The following NAALADL2 variants were observed in gnomAD, a reference collection of about 807,000 sequenced individuals.
NAALADL2 encodes the protein inactive N-acetylated-alpha-linked acidic dipeptidase-like protein 2.
A neutral mutation model predicts 87.2 loss-of-function variants in NAALADL2; 76 were observed. That is an observed-to-expected ratio of 0.87 (90% CI 0.72 to 1.05). The LOEUF is 1.05. Among genes scored for constraint, NAALADL2 ranks in the 50% least tolerant of loss-of-function variants. NAALADL2 has a pLI of 0.00. For synonymous variants in NAALADL2, 354 were observed against 331.0 expected (o/e 1.07, Z -0.75); for missense variants, 1,089 against 945.8 (o/e 1.15, Z -1.99).
intron 4 of NAALADL2, among the ~76,000 whole-genome samples, chr3:175,322,833 A>G (rs1416835748): frequency 6.7e-6 from 1 of 148,752 alleles, no homozygotes; most frequent in South Asian, 2.1e-4. Flanking sequence ...AAAAGTCAGG[A>G]AACAACAGGT....
intron 2 of NAALADL2, among the ~76,000 whole-genome samples, chr3:175,165,994 C>T (rs1733945631): frequency 1.3e-5 from 2 of 151,256 alleles, no homozygotes; most frequent in Admixed American, 6.6e-5. Flanking sequence ...CTACCATTTG[C>T]TGGCTTCTTC....
At chr3:175,145,338 A>G (rs1301917226) in intron 2 of NAALADL2, among the ~76,000 whole-genome samples, 1 of 151,978 alleles carries the variant, frequency 6.6e-6, no homozygotes, top group African/African-American at 2.4e-5. Flanking sequence ...TTAGATTTAG[A>G]CAAATTTCTA....
intron 5 of NAALADL2, among the ~76,000 whole-genome samples, chr3:175,395,078 C>T (rs887743248): frequency 2.6e-5 from 4 of 152,006 alleles, no homozygotes; most frequent in African/African-American, 9.7e-5. Context: ...TGAACACAAG[C>T]GTTGGGATAC....
At chr3:175,435,597 T>G (rs1581872300) in intron 5 of NAALADL2, among the ~76,000 whole-genome samples, 1 of 152,198 alleles carries the variant, frequency 6.6e-6, no homozygotes, top group East Asian at 1.9e-4. Flanking sequence ...TTATACATAT[T>G]TAAGCATATT....
intron 1 of NAALADL2, among the ~76,000 whole-genome samples, chr3:174,477,941 G>C (rs1390811315): frequency 6.6e-6 from 1 of 152,250 alleles, no homozygotes; most frequent in East Asian, 1.9e-4. Flanking sequence ...TTGTTTCATA[G>C]ATTAATGGAG....
At chr3:174,489,893 T>C (rs1378364253) in intron 1 of NAALADL2, among the ~76,000 whole-genome samples, 1 of 151,220 alleles carries the variant, frequency 6.6e-6, no homozygotes, top group African/African-American at 2.5e-5. Context: ...GTAACCCTTA[T>C]ATGCATCAGC....
At chr3:174,450,869 C>CAAAA (rs761513802) in intron 1 of NAALADL2, among the ~76,000 whole-genome samples, 1,251 of 73,602 alleles carry the variant, frequency 0.017, 41 homozygotes, top group African/African-American at 0.047. Context: ...GACTCTGTCT[C>CAAAA]AAAAAAAAAA....
chr3:175,013,301 A>ATATATATTTTTTTTTTTT (rs1553916905), intron 1 of NAALADL2, among the ~76,000 whole-genome samples: 13 of 72,056 alleles, frequency 1.8e-4, no homozygotes, highest in Admixed American at 5.2e-4. Flanking sequence ...ATATATATAT[A>ATATATATTTTTTTTTTTT]TTTTTTTTTT....
intron 2 of NAALADL2, among the ~76,000 whole-genome samples, chr3:175,214,033 A>T (rs1742142984): frequency 1.3e-5 from 2 of 152,186 alleles, no homozygotes; most frequent in South Asian, 4.1e-4. Flanking sequence ...GTTCATTAGA[A>T]TACCATTATT....
chr3:175,303,517 C>G (rs1354032321), intron 4 of NAALADL2, among the ~76,000 whole-genome samples: 2 of 152,196 alleles, frequency 1.3e-5, no homozygotes, highest in East Asian at 3.9e-4. Flanking sequence ...TTTCTTACTC[C>G]TAAAATGTAT....
chr3:175,012,392 T>C (rs1276511437), intron 1 of NAALADL2, among the ~76,000 whole-genome samples: 3 of 152,116 alleles, frequency 2.0e-5, no homozygotes, highest in African/African-American at 7.2e-5. Flanking sequence ...GGTCTCGAAC[T>C]CCTGACCTCA....
chr3:175,627,722 G>A (rs1727188383), intron 11 of NAALADL2, among the ~76,000 whole-genome samples: 1 of 151,746 alleles, frequency 6.6e-6, no homozygotes, highest in Non-Finnish European at 1.5e-5. Context: ...TGATAGGTAT[G>A]TCTGTTGATT....
intron 5 of NAALADL2, among the ~76,000 whole-genome samples, chr3:175,325,256 A>C (rs915201299): frequency 3.3e-5 from 5 of 152,208 alleles, no homozygotes; most frequent in African/African-American, 1.2e-4. Context: ...AACTTTCTCC[A>C]AGAAGGAAGC....
intron 1 of NAALADL2, among the ~76,000 whole-genome samples, chr3:175,085,964 T>C (rs1222875683): frequency 2.0e-5 from 3 of 152,260 alleles, no homozygotes; most frequent in Non-Finnish European, 2.9e-5. Flanking sequence ...GTTATAATTG[T>C]AAAGGATGAT....
chr3:174,828,499 C>A (rs770756529), intron 3 of NAALADL2, among the ~76,000 whole-genome samples: 1 of 152,066 alleles, frequency 6.6e-6, no homozygotes, highest in African/African-American at 2.4e-5. Flanking sequence ...GCCTTCAGAA[C>A]GAGTGAAACT....
intron 1 of NAALADL2, among the ~76,000 whole-genome samples, chr3:174,924,425 T>C (rs1271250355): frequency 6.6e-6 from 1 of 152,066 alleles, no homozygotes; most frequent in Non-Finnish European, 1.5e-5. Context: ...TATTCCATGG[T>C]GTATATGTGC....
At chr3:175,259,320 G>T (rs997938537) in intron 4 of NAALADL2, among the ~76,000 whole-genome samples, 1 of 152,118 alleles carries the variant, frequency 6.6e-6, no homozygotes, top group African/African-American at 2.4e-5. Flanking sequence ...AAGAAGATAC[G>T]ATTTTAAATC....
chr3:174,552,503 A>T (rs1712243046), intron 2 of NAALADL2, among the ~76,000 whole-genome samples: 1 of 152,160 alleles, frequency 6.6e-6, no homozygotes, highest in Non-Finnish European at 1.5e-5. Flanking sequence ...TTTACTACAA[A>T]TCAATAATAG....
intron 3 of NAALADL2, among the ~76,000 whole-genome samples, chr3:174,826,798 A>T (rs993925232): frequency 6.6e-6 from 1 of 152,198 alleles, no homozygotes; most frequent in Non-Finnish European, 1.5e-5. Flanking sequence ...GAAGTCCTAG[A>T]TAGCATTTCC....
Sources: allele counts gnomAD v4.1 joint callset (sites outside exome capture counted in the v4.1 genomes callset), GRCh38; gene constraint gnomAD v4.1.1; transcripts MANE v1.5; gene names NCBI Gene and HGNC (gene_info 2026-07-23, HGNC 2026-07-21).